Variants in MTHFS observed in about 807,000 individuals in gnomAD.
The protein encoded by MTHFS is methenyltetrahydrofolate synthetase, also known as 5-formyltetrahydrofolate cyclo-ligase.
MTHFS carries 7 observed loss-of-function variants against 12.7 expected under a neutral mutation model. The observed-to-expected ratio is 0.55, with a 90% confidence interval of 0.31 to 1.03. The LOEUF is 1.03. Ranked by LOEUF, MTHFS falls within the 50% of genes least tolerant of loss-of-function variation. MTHFS has a pLI of 0.05. For synonymous variants in MTHFS, 100 were observed against 97.1 expected, an observed-to-expected ratio of 1.03 and a Z score of -0.18; for missense variants, 252 against 258.1, an observed-to-expected ratio of 0.98 and a Z score of 0.16.
chr15:79,857,226 G>C (rs544602940), intron 2 of MTHFS, among the ~76,000 whole-genome samples: 2 of 152,156 alleles, frequency 1.3e-5, no homozygotes, highest in African/African-American at 4.8e-5. Flanking sequence ...TCGAACTCCT[G>C]ATCCTCAGGT....
intron 1 of MTHFS, among the ~76,000 whole-genome samples, chr15:79,894,664 ATT>A (rs2034535858): frequency 6.6e-6 from 1 of 152,000 alleles, no homozygotes; most frequent in Non-Finnish European, 1.5e-5. Context: ...ATTCATCTTT[ATT>A]TTCCCCATGC....
At chr15:79,877,448 C>A (rs1327667411) in intron 2 of MTHFS, 1 of 152,170 alleles carries the variant, frequency 6.6e-6, no homozygotes, top group Non-Finnish European at 1.5e-5. Context: ...TGCCTGTAAT[C>A]CCAGCACTTT....
In MTHFS at chr15:79,896,953, G is replaced by C. The variant is rs200983403; in HGVS notation, c.36C>G (p.Ser12Arg). The C allele has an allele frequency of 1.3e-6, 2 of 1,536,408 alleles. No individual in the cohort carries two copies. Among genetic ancestry groups the C allele is most frequent in the Admixed American group, 2.0e-5 (1 of 50,888 alleles). ...GACGCTGCTTCAGCTCTCCCCGCAG[G>C]CTCCGCTTGGCGCTGCTCACCGCTG... ...AAAAVSSAKR[S>R]LRGELKQRLR... is the part of the protein sequence containing the mutation. Residue 12 changes from serine to arginine, a missense_variant, in exon 1 of 3, where the codon AGC becomes AGG. Physicochemically the swap from Ser to Arg is moderately radical, Grantham distance 110. Coordinates refer to ENST00000258874, the MANE Select transcript of MTHFS (RefSeq NM_006441.4).
rs8038218 is a variant in MTHFS at position 79,844,402 on chromosome 15, A to G, written c.*808T>C. 4,197 of 152,528 alleles carry G rather than the reference A, an allele frequency of 0.028. 192 individuals are homozygous for G. Among genetic ancestry groups the G allele is most frequent in the African/African-American group, 0.091 (3,784 of 41,532 alleles). The allele number at this position is 152,528 out of a possible 1,614,324, so 9.4% of individuals were successfully genotyped here. ...AGACCTGGTGACAGGATGGACATGG[A>G]GTGTGAGTAAGAGAGCCACGTGACT... On this transcript the variant is annotated 3_prime_UTR_variant, in exon 3 of 3. Coordinates refer to ENST00000258874, the MANE Select transcript of MTHFS (RefSeq NM_006441.4).
intron 2 of MTHFS, among the ~76,000 whole-genome samples, chr15:79,856,743 T>C (rs1167780338): frequency 6.6e-6 from 1 of 152,042 alleles, no homozygotes; most frequent in Non-Finnish European, 1.5e-5. Context: ...ATGGTTAAGA[T>C]GGTAAATTTT....
chr15:79,845,491 T>G lies in MTHFS; in HGVS notation c.380-49A>C, dbSNP rs575469808. On this transcript the variant is annotated intron_variant, in intron 2 of 2. Coordinates refer to ENST00000258874, the MANE Select transcript of MTHFS (RefSeq NM_006441.4). ...AAGAGGATTAATTGTTTCTGAAAGA[T>G]CATTTCAGGATGTGTTTTTTGTTTT... The G allele has an allele frequency of 6.3e-6, 10 of 1,582,400 alleles. No homozygotes were observed. In the Admixed American group the frequency reaches 1.8e-4, roughly 28 times the overall value.
At chr15:79,874,254 A>G (rs555353433) in intron 2 of MTHFS, among the ~76,000 whole-genome samples, 50 of 152,318 alleles carry the variant, frequency 3.3e-4, no homozygotes, top group African/African-American at 1.2e-3. Context: ...AAAGGCTTAC[A>G]CCAATCTAAA....
intron 2 of MTHFS, among the ~76,000 whole-genome samples, chr15:79,859,701 C>T (rs1269269020): frequency 2.6e-5 from 4 of 151,740 alleles, no homozygotes; most frequent in Non-Finnish European, 4.4e-5. Flanking sequence ...GCCTGTAATC[C>T]CAGCTACTCG....
Position 79,893,397 on chromosome 15 carries a change from G to T in MTHFS, c.117+3475C>A, listed in dbSNP as rs192846830. Among the ~76,000 whole-genome samples, 6 of 149,440 alleles carry T rather than the reference G, an allele frequency of 4.0e-5. No homozygotes were observed. In the East Asian group the frequency reaches 1.2e-3, roughly 29 times the overall value. The stretch of plus-strand genomic sequence containing the variant: ...AGCCTGGGCAACAAAGCGATACTTT[G>T]TCTCAAAAAATGAAAAACTGGCTAG... On this transcript the variant is annotated intron_variant, in intron 1 of 2. Transcript: ENST00000258874.
intron 2 of MTHFS, among the ~76,000 whole-genome samples, chr15:79,884,112 C>T (rs1466584854): frequency 6.6e-6 from 1 of 152,192 alleles, no homozygotes; most frequent in African/African-American, 2.4e-5. Flanking sequence ...AGGTCTGAGT[C>T]CACTTACAGG....
intron 1 of MTHFS, 127 bp downstream of exon 1, chr15:79,896,745 G>C (rs955618608): frequency 4.1e-6 from 5 of 1,229,014 alleles, no homozygotes; most frequent in Non-Finnish European, 5.3e-6. Context: ...GGAAACGTGC[G>C]CGCGCCGGGG....
intron 2 of MTHFS, among the ~76,000 whole-genome samples, chr15:79,864,648 C>T (rs952733912): frequency 2.1e-5 from 3 of 145,872 alleles, no homozygotes; most frequent in African/African-American, 7.6e-5. Flanking sequence ...GTGCTTACTT[C>T]AATATAGTGT....
chr15:79,852,230 T>C (rs189798935), intron 2 of MTHFS, among the ~76,000 whole-genome samples: 61 of 152,328 alleles, frequency 4.0e-4, no homozygotes, highest in Non-Finnish European at 6.6e-4. Flanking sequence ...TCATTATGAT[T>C]GCCTTAGAAA....
chr15:79,876,873 T>C (rs2034206784), intron 2 of MTHFS: 1 of 151,496 alleles, frequency 6.6e-6, no homozygotes, highest in Admixed American at 6.6e-5. Context: ...TGAAACTCCA[T>C]CTCTACTAAA....
chr15:79,896,890 G>C lies in MTHFS; in HGVS notation c.99C>G (p.Ser33=), dbSNP rs1299517788. 1 of 1,543,006 alleles carries C rather than the reference G, an allele frequency of 6.5e-7. No individual in the cohort carries two copies. Among genetic ancestry groups the C allele is most frequent in the South Asian group, 1.2e-5 (1 of 84,018 alleles). The change falls in exon 1 of 3, where the codon TCC becomes TCG. Residue 33 remains serine, a synonymous_variant. Transcript: ENST00000258874. ...AMSAEERLRQ[S]RVLSQKVIAH... ...CTCGCACCTTCTGGCTCAGTACGCG[G>C]GACTGGCGTAGCCGCTCCTCGGCAC...
intron 2 of MTHFS, among the ~76,000 whole-genome samples, chr15:79,886,770 C>A (rs1367186007): frequency 6.6e-6 from 1 of 152,074 alleles, no homozygotes; most frequent in African/African-American, 2.4e-5. Context: ...TCTTTCCAGA[C>A]CTAAAATAGT....
intron 2 of MTHFS, among the ~76,000 whole-genome samples, chr15:79,851,013 G>T (rs1397494748): frequency 6.6e-6 from 1 of 152,112 alleles, no homozygotes; most frequent in Non-Finnish European, 1.5e-5. Flanking sequence ...TCAGCTAGTG[G>T]ACTGTCTTTA....
Position 79,851,027 on chromosome 15 carries a change from T to C in MTHFS, c.380-5585A>G, listed in dbSNP as rs368134944. Among the ~76,000 whole-genome samples the C allele has an allele frequency of 9.8e-5, 15 of 152,292 alleles. 1 individual carries two copies. In the South Asian group the frequency reaches 3.1e-3, roughly 32 times the overall value. On this transcript the variant is annotated intron_variant, in intron 2 of 2. Transcript: ENST00000258874. ...TTCAGCTAGTGGACTGTCTTTACTG[T>C]AATACTGAAAAGAAGGCTGAAAATA...
intron 2 of MTHFS, among the ~76,000 whole-genome samples, chr15:79,881,062 C>T (rs180813152): frequency 4.0e-4 from 61 of 152,294 alleles, no homozygotes; most frequent in African/African-American, 1.3e-3. Flanking sequence ...CTAATTCCAA[C>T]TTCACTCCTC....
Sources: gnomAD v4.1 joint callset for allele counts (sites outside exome capture counted in the v4.1 genomes callset) on GRCh38, gnomAD v4.1.1 for gene constraint, MANE v1.5 for transcripts, NCBI Gene and HGNC (gene_info 2026-07-23, HGNC 2026-07-21) for gene names.